FBXL17: variants seen among roughly 807,000 people sequenced by gnomAD.
FBXL17 encodes F-box and leucine rich repeat protein 17, also known as F-box/LRR-repeat protein 17.
A neutral mutation model predicts 66.2 loss-of-function variants in FBXL17; 22 were observed. The observed-to-expected ratio is 0.33, with a 90% CI of 0.24 to 0.47. The LOEUF (loss-of-function observed/expected upper bound fraction) is 0.47, where lower values mean the gene tolerates loss of function less well. Among genes scored for constraint, FBXL17 ranks in the 20% least tolerant of loss-of-function variants. The pLI, the probability that FBXL17 is intolerant of heterozygous loss-of-function variation, is 1.00. For synonymous variants in FBXL17, 474 were observed against 400.5 expected, an observed-to-expected ratio of 1.18 and a Z score of -2.19; for missense variants, 878 against 948.2, an observed-to-expected ratio of 0.93 and a Z score of 0.97.
At chr5:108,338,770 A>G (rs76851367) in intron 4 of FBXL17, among the ~76,000 whole-genome samples, 6,584 of 152,252 alleles carry the variant, frequency 0.043, 775 homozygotes, top group East Asian at 0.39. Context: ...AATCCACCCC[A>G]AAACTCACAT....
intron 4 of FBXL17, among the ~76,000 whole-genome samples, chr5:108,253,421 C>T (rs1233448798): frequency 6.6e-6 from 1 of 152,128 alleles, no homozygotes; most frequent in Admixed American, 6.5e-5. Context: ...ACCACCTCTC[C>T]ACTCAAAGTT....
At chr5:108,006,848 T>C (rs973293124) in intron 7 of FBXL17, among the ~76,000 whole-genome samples, 1 of 152,184 alleles carries the variant, frequency 6.6e-6, no homozygotes, top group South Asian at 2.1e-4. Flanking sequence ...TTTGCAACTA[T>C]ATGGTGGTTG....
At chr5:108,353,233 GACCAA>G (rs1747759397) in intron 3 of FBXL17, among the ~76,000 whole-genome samples, 2 of 152,150 alleles carry the variant, frequency 1.3e-5, no homozygotes, top group Admixed American at 6.5e-5. Context: ...TGAAGACACA[GACCAA>G]ACCACTGCCA....
chr5:108,255,985 C>T (rs185510933), intron 4 of FBXL17, among the ~76,000 whole-genome samples: 1 of 152,144 alleles, frequency 6.6e-6, no homozygotes, highest in East Asian at 1.9e-4. Context: ...TAGAATAAAG[C>T]CAATTCTGCA....
chr5:108,292,396 C>T (rs912393254), intron 4 of FBXL17, among the ~76,000 whole-genome samples: 1 of 152,112 alleles, frequency 6.6e-6, no homozygotes, highest in African/African-American at 2.4e-5. Flanking sequence ...GCTAGGATTA[C>T]AGGCATGAGC....
intron 7 of FBXL17, among the ~76,000 whole-genome samples, chr5:107,924,359 A>C (rs1015320815): frequency 6.6e-6 from 1 of 152,150 alleles, no homozygotes; most frequent in Non-Finnish European, 1.5e-5. Context: ...TACATTTCTA[A>C]CTGGGTACAA....
chr5:108,269,096 AT>A (rs1757161410), intron 4 of FBXL17, among the ~76,000 whole-genome samples: 1 of 152,056 alleles, frequency 6.6e-6, no homozygotes, highest in African/African-American at 2.4e-5. Flanking sequence ...GTTTGTACAA[AT>A]TCCCCTCAGC....
intron 4 of FBXL17, among the ~76,000 whole-genome samples, chr5:108,270,592 C>T (rs1757228747): frequency 6.7e-6 from 1 of 150,012 alleles, no homozygotes; most frequent in Admixed American, 6.6e-5. Context: ...AGAAACAGAG[C>T]ATCCATTAGC....
intron 4 of FBXL17, among the ~76,000 whole-genome samples, chr5:108,325,303 T>A (rs565467315): frequency 3.9e-5 from 6 of 152,168 alleles, no homozygotes; most frequent in Non-Finnish European, 7.4e-5. Flanking sequence ...AAAAGAGTGA[T>A]CAACCAAGAA....
chr5:108,049,051 A>G (rs1214368454), intron 6 of FBXL17, among the ~76,000 whole-genome samples: 1 of 152,198 alleles, frequency 6.6e-6, no homozygotes, highest in Non-Finnish European at 1.5e-5. Flanking sequence ...GCCAGTGAGA[A>G]AGCCCAGGTC....
intron 4 of FBXL17, among the ~76,000 whole-genome samples, chr5:108,293,733 G>A (rs1419284269): frequency 6.6e-6 from 1 of 151,948 alleles, no homozygotes; most frequent in Admixed American, 6.6e-5. Flanking sequence ...TAATAACGAG[G>A]ATCTCACTCA....
At chr5:108,300,242 C>T (rs1758526837) in intron 4 of FBXL17, among the ~76,000 whole-genome samples, 1 of 151,666 alleles carries the variant, frequency 6.6e-6, no homozygotes, top group Non-Finnish European at 1.5e-5. Context: ...AATATAGCAT[C>T]GAGGAAAAAA....
At chr5:108,235,628 C>T (rs1047330327) in intron 4 of FBXL17, among the ~76,000 whole-genome samples, 34 of 152,184 alleles carry the variant, frequency 2.2e-4, no homozygotes, top group Admixed American at 2.0e-3. Context: ...TCCAGTGGTA[C>T]TCTTAAAATA....
chr5:108,297,881 A>G, intron 4 of FBXL17: 1 of 929,820 alleles, frequency 1.1e-6, no homozygotes, highest in African/African-American at 1.8e-5. Flanking sequence ...CAACAAACAA[A>G]AAACCTAAAA....
chr5:108,028,079 T>G (rs370349333), intron 6 of FBXL17, among the ~76,000 whole-genome samples: 35 of 152,142 alleles, frequency 2.3e-4, no homozygotes, highest in African/African-American at 8.4e-4. Flanking sequence ...GGATTTACCA[T>G]GTGGAAACAA....
chr5:108,147,174 AG>A (rs1164830574), intron 6 of FBXL17, among the ~76,000 whole-genome samples: 1 of 152,210 alleles, frequency 6.6e-6, no homozygotes, highest in Non-Finnish European at 1.5e-5. Flanking sequence ...GACTTTTGGC[AG>A]GACAACAACA....
chr5:108,002,449 A>G (rs1195895424), intron 7 of FBXL17, among the ~76,000 whole-genome samples: 1 of 152,204 alleles, frequency 6.6e-6, no homozygotes, highest in African/African-American at 2.4e-5. Flanking sequence ...TACAACAAGC[A>G]TTCTTTAAAA....
rs567227339 is a variant in FBXL17 at position 108,003,140 on chromosome 5, T to C, written c.1822+17785A>G. 1.4e-4 allele frequency among the ~76,000 whole-genome samples: 21 copies of C among 152,342 alleles called. No homozygotes were observed. The South Asian group carries it at 4.4e-3, about 32-fold the overall frequency. The stretch of plus-strand genomic sequence containing the variant: ...CCACAGCTACCTTGAGGAAGCTTGC[T>C]AATATTTGTGGCCTTTTGAATTTAA... On this transcript the variant is annotated intron_variant, in intron 7 of 8. Coordinates refer to ENST00000542267, the MANE Select transcript of FBXL17 (RefSeq NM_001163315.3).
chr5:107,966,259 A>T (rs1580259633), intron 7 of FBXL17, among the ~76,000 whole-genome samples: 1 of 152,112 alleles, frequency 6.6e-6, no homozygotes, highest in East Asian at 1.9e-4. Flanking sequence ...GACTATCTGT[A>T]TTTTGGAGTT....
Sources: gnomAD v4.1 joint callset for allele counts (sites outside exome capture counted in the v4.1 genomes callset) on GRCh38, gnomAD v4.1.1 for gene constraint, MANE v1.5 for transcripts, NCBI Gene and HGNC (gene_info 2026-07-23, HGNC 2026-07-21) for gene names.